The following KLHL32 variants were observed in gnomAD, a reference collection of about 807,000 sequenced individuals.
KLHL32 encodes kelch like family member 32, also known as kelch-like protein 32.
A neutral mutation model predicts 64.8 loss-of-function variants in KLHL32; 35 were observed. That is an observed-to-expected ratio of 0.54 (90% CI 0.41 to 0.72). KLHL32 has a LOEUF of 0.72. KLHL32 is among the 30% of genes least tolerant of loss of function. The pLI is 0.00. For synonymous variants in KLHL32, 259 were observed against 281.0 expected, an observed-to-expected ratio of 0.92 and a Z score of 0.78; for missense variants, 589 against 768.5, an observed-to-expected ratio of 0.77 and a Z score of 2.76.
At chr6:96,968,049 G>T (rs1192949399) in intron 2 of KLHL32, among the ~76,000 whole-genome samples, 1 of 152,178 alleles carries the variant, frequency 6.6e-6, no homozygotes, top group Non-Finnish European at 1.5e-5. Context: ...TAAGAATTGG[G>T]TGTCTGTTAA....
At chr6:96,903,648 C>T in the KLHL32 span, among the ~76,000 whole-genome samples, 1 of 152,264 alleles carries the variant, frequency 6.6e-6, no homozygotes, top group African/African-American at 2.4e-5. Flanking sequence ...TTAATTTTGC[C>T]AATGACCAAG....
At chr6:96,916,840 G>T in the KLHL32 span, among the ~76,000 whole-genome samples, 19,049 of 151,940 alleles carry the variant, frequency 0.13, 1,534 homozygotes, top group East Asian at 0.26. Context: ...CTTCCTACAC[G>T]TTTATAGTGC....
intron 3 of KLHL32, chr6:96,999,549 T>C: frequency 1.0e-6 from 1 of 980,062 alleles, no homozygotes. Flanking sequence ...TATAAAAAGG[T>C]AAAAATCCAG....
intron 1 of KLHL32, among the ~76,000 whole-genome samples, chr6:96,943,813 T>C (rs1226121378): frequency 6.6e-6 from 1 of 152,242 alleles, no homozygotes; most frequent in Non-Finnish European, 1.5e-5. Context: ...GGAAAAGTCA[T>C]ATCTGGCAGG....
At chr6:97,124,470 A>C (rs1798682787) in intron 7 of KLHL32, among the ~76,000 whole-genome samples, 1 of 152,176 alleles carries the variant, frequency 6.6e-6, no homozygotes, top group African/African-American at 2.4e-5. Flanking sequence ...AAAAGCATAG[A>C]GATAAATTGT....
chr6:97,077,493 G>GA (rs1259982513), intron 5 of KLHL32, among the ~76,000 whole-genome samples: 1 of 152,018 alleles, frequency 6.6e-6, no homozygotes, highest in East Asian at 1.9e-4. Context: ...GGGAAAGGGG[G>GA]AAAAATCTAA....
chr6:97,050,072 A>G (rs1786620057), intron 4 of KLHL32, among the ~76,000 whole-genome samples: 3 of 152,330 alleles, frequency 2.0e-5, no homozygotes, highest in Admixed American at 1.3e-4. Flanking sequence ...TTGTGCTGCA[A>G]GAATCATAAA....
At chr6:96,941,387 G>A (rs1488962409) in intron 1 of KLHL32, among the ~76,000 whole-genome samples, 1 of 152,250 alleles carries the variant, frequency 6.6e-6, no homozygotes, top group East Asian at 1.9e-4. Context: ...TTTAATTTAA[G>A]AGATATCATG....
intron 5 of KLHL32, among the ~76,000 whole-genome samples, chr6:97,074,639 A>G (rs780051868): frequency 7.9e-5 from 12 of 151,300 alleles, no homozygotes; most frequent in Non-Finnish European, 1.3e-4. Context: ...TTATTAAGTT[A>G]TGATTGACAT....
intron 7 of KLHL32, among the ~76,000 whole-genome samples, chr6:97,115,563 C>T (rs142643932): frequency 1.3e-5 from 2 of 152,298 alleles, no homozygotes; most frequent in African/African-American, 2.4e-5. Flanking sequence ...TCTCTACACC[C>T]ACAGACCCAT....
At chr6:97,102,121 T>C (rs1207762234) in intron 6 of KLHL32, among the ~76,000 whole-genome samples, 1 of 152,246 alleles carries the variant, frequency 6.6e-6, no homozygotes, top group Non-Finnish European at 1.5e-5. Flanking sequence ...ATCAGCATGT[T>C]GGTTTTTCAT....
At chr6:96,966,106 C>T in intron 1 of KLHL32, among the ~76,000 whole-genome samples, 1 of 152,138 alleles carries the variant, frequency 6.6e-6, no homozygotes, top group South Asian at 2.1e-4. Context: ...TAACATATTC[C>T]TTTCATAAGC....
chr6:96,963,065 T>G (rs1774052793), intron 1 of KLHL32, among the ~76,000 whole-genome samples: 1 of 152,268 alleles, frequency 6.6e-6, no homozygotes, highest in Non-Finnish European at 1.5e-5. Context: ...TCCTCTATCT[T>G]AGATTTTTCA....
intron 3 of KLHL32, among the ~76,000 whole-genome samples, chr6:97,039,048 C>G (rs1271854382): frequency 1.3e-5 from 2 of 149,256 alleles, no homozygotes; most frequent in East Asian, 2.0e-4. Flanking sequence ...TGAGATCATG[C>G]CACTGCACTC....
chr6:97,092,149 T>C (rs544468613), intron 6 of KLHL32, among the ~76,000 whole-genome samples: 6 of 152,040 alleles, frequency 3.9e-5, no homozygotes, highest in Non-Finnish European at 8.8e-5. Context: ...GCCACACACC[T>C]GGCTAATTTT....
intron 8 of KLHL32, 96 bp from the exon 9 acceptor site, chr6:97,130,660 TA>T: frequency 1.2e-6 from 1 of 847,752 alleles, no homozygotes; most frequent in Non-Finnish European, 1.8e-6. Context: ...TATTGATTGA[TA>T]AACATTAGGG....
At chr6:97,073,389 T>C (rs1045093832) in intron 5 of KLHL32, among the ~76,000 whole-genome samples, 6 of 152,226 alleles carry the variant, frequency 3.9e-5, no homozygotes, top group African/African-American at 1.4e-4. Context: ...GAAAACATCA[T>C]ACTGAAATTG....
At chr6:97,096,943 G>T (rs748996024) in intron 6 of KLHL32, among the ~76,000 whole-genome samples, 48 of 152,168 alleles carry the variant, frequency 3.2e-4, no homozygotes, top group Non-Finnish European at 5.9e-4. Flanking sequence ...GCACTGAGAG[G>T]TTAGGTCATT....
At chr6:96,985,672 G>T (rs1418653675) in intron 3 of KLHL32, among the ~76,000 whole-genome samples, 1 of 152,118 alleles carries the variant, frequency 6.6e-6, no homozygotes, top group Non-Finnish European at 1.5e-5. Flanking sequence ...ATCAGCTACT[G>T]AGGCTTGTGC....
Sources: gnomAD v4.1 joint callset for allele counts (sites outside exome capture counted in the v4.1 genomes callset) on GRCh38, gnomAD v4.1.1 for gene constraint, MANE v1.5 for transcripts, NCBI Gene and HGNC (gene_info 2026-07-23, HGNC 2026-07-21) for gene names.